Variants in CPPED1 observed in about 807,000 individuals in gnomAD.
CPPED1 encodes the protein serine/threonine-protein phosphatase CPPED1.
In CPPED1, 28 loss-of-function variants were observed where a neutral mutation model predicts 28.0. The ratio of observed to expected loss-of-function variants is 1.00; its 90% CI spans 0.74 to 1.37. The LOEUF (loss-of-function observed/expected upper bound fraction) is 1.37, where lower values mean the gene tolerates loss of function less well. Among genes scored for constraint, CPPED1 ranks in the 40% most tolerant of loss-of-function variants. The probability of loss-of-function intolerance (pLI) is 0.00; values close to 1 mark genes in which losing one functional copy is unlikely to be tolerated. For synonymous variants in CPPED1, 198 were observed against 180.2 expected (o/e 1.10, Z -0.79); for missense variants, 504 against 416.5 (o/e 1.21, Z -1.83).
rs1160917373 is a variant in CPPED1 at position 12,664,136 on chromosome 16, C to A, written c.*750G>T. Reference sequence around the variant, plus strand: ...ACACAGCCAGAATGTGGATGTGAACCAACTCAACGTGCTCCCCAGAGACTG... The same window carrying A: ...ACACAGCCAGAATGTGGATGTGAACAAACTCAACGTGCTCCCCAGAGACTG... On this transcript the variant is annotated 3_prime_UTR_variant, in exon 4 of 4. Transcript: ENST00000381774. This position sits in a 1 kb window ranked among gnomAD's most constrained non-coding sequence, Gnocchi z 4.2. The A allele has an allele frequency of 6.5e-6, 1 of 153,346 alleles. No homozygotes were observed. The highest frequency in any genetic ancestry group is 2.4e-5 in the African/African-American group (1 of 41,454). The allele number at this position is 153,346 out of a possible 1,614,324, so 9.5% of individuals were successfully genotyped here.
At position 12,661,535 on chromosome 16, in the gene CPPED1, T is replaced by G. The variant is rs1303965750; in HGVS notation, c.*3351A>C. On this transcript the variant is annotated 3_prime_UTR_variant, in exon 4 of 4. Transcript: ENST00000381774. ...TGAGCCTTTGCAATCCAATTTGAGA[T>G]CACTTTAAAAAACCTTCCCCCGTAA... 1.3e-5 allele frequency: 2 copies of G among 152,214 alleles called. No homozygotes were observed. Among genetic ancestry groups the G allele is most frequent in the African/African-American group, 4.8e-5 (2 of 41,460 alleles). The allele number at this position is 152,214 out of a possible 1,614,324, so 9.4% of individuals were successfully genotyped here.
chr16:12,776,074 T>C (rs1190488872), intron 2 of CPPED1, among the ~76,000 whole-genome samples: 3 of 152,198 alleles, frequency 2.0e-5, no homozygotes, highest in African/African-American at 7.2e-5. Context: ...GGAAACATTA[T>C]CCTGGGTTAT....
Position 12,685,589 on chromosome 16 carries a change from C to T in CPPED1, c.715+19035G>A, listed in dbSNP as rs767774738. ...CCGGGGACCTGATGCTTCTTGGGAC[C>T]GTGTTTGAAACATAGTGTGGACAAG... On this transcript the variant is annotated intron_variant, in intron 3 of 3. Coordinates refer to ENST00000381774, the MANE Select transcript of CPPED1 (RefSeq NM_018340.3). Among the ~76,000 whole-genome samples the T allele has an allele frequency of 5.3e-5, 8 of 152,300 alleles. 1 individual carries two copies. The South Asian group carries it at 1.0e-3, about 20-fold the overall frequency.
intron 1 of CPPED1, among the ~76,000 whole-genome samples, chr16:12,782,467 C>T (rs1221126195): frequency 1.3e-5 from 2 of 152,058 alleles, no homozygotes; most frequent in African/African-American, 2.4e-5. Context: ...GAAACTGAGG[C>T]CCGGAGAGGC....
intron 3 of CPPED1, among the ~76,000 whole-genome samples, chr16:12,677,648 GAA>G (rs2079884558): frequency 6.6e-6 from 1 of 152,122 alleles, no homozygotes. Flanking sequence ...CTCAAAAAAA[GAA>G]AAAAGGAAGT....
intron 3 of CPPED1, among the ~76,000 whole-genome samples, chr16:12,696,364 C>T (rs559727924): frequency 1.7e-4 from 25 of 151,492 alleles, no homozygotes; most frequent in East Asian, 3.9e-4. Flanking sequence ...CCAAACGGTT[C>T]GGGATCATAC....
At chr16:12,759,821 G>C (rs1253652475) in intron 2 of CPPED1, among the ~76,000 whole-genome samples, 16 of 152,194 alleles carry the variant, frequency 1.1e-4, no homozygotes, top group Non-Finnish European at 2.1e-4. Flanking sequence ...AGTTTCCTGA[G>C]GCTCCCCAGC....
intron 1 of CPPED1, among the ~76,000 whole-genome samples, chr16:12,800,166 G>A (rs1201692337): frequency 6.6e-6 from 1 of 152,172 alleles, no homozygotes; most frequent in Non-Finnish European, 1.5e-5. Context: ...AACAATGGGG[G>A]CCAAGTGCGG....
At chr16:12,763,357 C>T (rs2080421042) in intron 2 of CPPED1, among the ~76,000 whole-genome samples, 1 of 152,146 alleles carries the variant, frequency 6.6e-6, no homozygotes, top group East Asian at 1.9e-4. Flanking sequence ...AGGCATGAGC[C>T]CACCATGGCT....
intron 2 of CPPED1, among the ~76,000 whole-genome samples, chr16:12,737,742 G>A (rs1230033737): frequency 6.6e-6 from 1 of 152,206 alleles, no homozygotes; most frequent in Non-Finnish European, 1.5e-5. Flanking sequence ...GGACACTGGA[G>A]CTGCGCAGCA....
At chr16:12,746,259 C>G (rs536145420) in intron 2 of CPPED1, among the ~76,000 whole-genome samples, 2 of 151,772 alleles carry the variant, frequency 1.3e-5, no homozygotes, top group African/African-American at 4.8e-5. Context: ...CCTGTAATCC[C>G]AGCTACTTGG....
At chr16:12,803,618 T>A in intron 1 of CPPED1, 89 bp downstream of exon 1, 2 of 1,155,644 alleles carry the variant, frequency 1.7e-6, no homozygotes, top group Non-Finnish European at 2.3e-6. Flanking sequence ...GGTGTCCGAC[T>A]GGCGGAGCGC....
chr16:12,747,919 C>T (rs1311094472), intron 2 of CPPED1, among the ~76,000 whole-genome samples: 1 of 152,190 alleles, frequency 6.6e-6, no homozygotes, highest in South Asian at 2.1e-4. Flanking sequence ...CCAATTATAT[C>T]TCCATAAACC....
intron 3 of CPPED1, among the ~76,000 whole-genome samples, chr16:12,679,965 C>T (rs2079896729): frequency 6.6e-6 from 1 of 152,190 alleles, no homozygotes; most frequent in African/African-American, 2.4e-5. Context: ...AAAGTCATCA[C>T]CATGCCCAGA....
intron 2 of CPPED1, among the ~76,000 whole-genome samples, chr16:12,763,233 G>GAA (rs749737070): frequency 3.9e-5 from 5 of 128,582 alleles, no homozygotes; most frequent in South Asian, 5.1e-4. Flanking sequence ...ACTCCACCTT[G>GAA]AAAAAAAAAA....
At chr16:12,666,318 G>C (rs1024662454) in intron 3 of CPPED1, among the ~76,000 whole-genome samples, 2 of 152,068 alleles carry the variant, frequency 1.3e-5, no homozygotes, top group Non-Finnish European at 2.9e-5. Context: ...GTCATGAGTG[G>C]GAGTAAAATG....
At chr16:12,671,270 G>C (rs1467349228) in intron 3 of CPPED1, among the ~76,000 whole-genome samples, 4 of 152,124 alleles carry the variant, frequency 2.6e-5, no homozygotes, top group Non-Finnish European at 4.4e-5. Context: ...ATTAATTAAA[G>C]CCCATGATTA....
intron 3 of CPPED1, among the ~76,000 whole-genome samples, chr16:12,692,828 A>G (rs909868537): frequency 6.6e-6 from 1 of 152,188 alleles, no homozygotes; most frequent in African/African-American, 2.4e-5. Flanking sequence ...GTCCCCAGGG[A>G]GAAAGAGCAC....
intron 2 of CPPED1, among the ~76,000 whole-genome samples, chr16:12,713,468 C>G (rs368894476): frequency 2.0e-5 from 3 of 152,046 alleles, no homozygotes; most frequent in Non-Finnish European, 4.4e-5. Context: ...TGGGTTCATG[C>G]GATTCTCCTG....
Sources: allele counts gnomAD v4.1 joint callset (sites outside exome capture counted in the v4.1 genomes callset), GRCh38; gene constraint gnomAD v4.1.1; non-coding constraint Gnocchi (gnomAD v3.1); transcripts MANE v1.5; gene names NCBI Gene and HGNC (gene_info 2026-07-23, HGNC 2026-07-21).